Variants in RAD23B observed in about 807,000 individuals in gnomAD.
The protein encoded by RAD23B is lysine-specific demethylase RAD23B.
A neutral mutation model predicts 49.1 loss-of-function variants in RAD23B; 5 were observed. The ratio of observed to expected loss-of-function variants is 0.10; its 90% CI spans 0.05 to 0.21. The LOEUF is 0.21. RAD23B is among the 10% of genes least tolerant of loss of function. The pLI is 1.00. For missense variants in RAD23B, 356 were observed against 486.7 expected (o/e 0.73, Z 2.53); for synonymous variants, 184 against 165.4 (o/e 1.11, Z -0.86).
chr9:107,297,706 CTTTT>C (rs370317056), intron 1 of RAD23B, among the ~76,000 whole-genome samples: 2 of 132,078 alleles, frequency 1.5e-5, no homozygotes, highest in Non-Finnish European at 3.3e-5. Flanking sequence ...ACTAAAGGGC[CTTTT>C]TTTTTTTTTT....
chr9:107,314,305 T>C (rs1826947728), intron 5 of RAD23B, among the ~76,000 whole-genome samples: 1 of 152,188 alleles, frequency 6.6e-6, no homozygotes, highest in Non-Finnish European at 1.5e-5. Flanking sequence ...ACCTGAATAA[T>C]GAACATTGTA....
chr9:107,292,081 A>T (rs1293303997), intron 1 of RAD23B, among the ~76,000 whole-genome samples: 1 of 152,252 alleles, frequency 6.6e-6, no homozygotes, highest in East Asian at 1.9e-4. Flanking sequence ...ACATTTACAC[A>T]TAATACATGA....
chr9:107,294,257 A>G (rs1186853758), intron 1 of RAD23B, among the ~76,000 whole-genome samples: 1 of 152,166 alleles, frequency 6.6e-6, no homozygotes. Context: ...ATTTTTTAAG[A>G]GAGAATTAAG....
intron 5 of RAD23B, among the ~76,000 whole-genome samples, chr9:107,317,479 C>T (rs1477920435): frequency 6.6e-6 from 1 of 151,958 alleles, no homozygotes; most frequent in Non-Finnish European, 1.5e-5. Context: ...AAAGTGGACA[C>T]ATGTTCAATA....
rs1827296126 is a variant in RAD23B, at chr9:107,331,019, A to C, written c.*1363A>C. 1 of 152,516 alleles carries C rather than the reference A, an allele frequency of 6.6e-6. No homozygotes were observed. Among genetic ancestry groups the C allele is most frequent in the Non-Finnish European group, 1.5e-5 (1 of 68,038 alleles). The allele number at this position is 152,516 out of a possible 1,614,324, so 9.4% of individuals were successfully genotyped here. A position where few individuals can be genotyped will look rare whatever the true frequency, so the allele number is the denominator to read the frequency against. Reference sequence around the variant, plus strand: ...TCAGTTTTTCAAATCTGTTTTCCTGAGTATAAATAAGAGTATTTAAAGAAA... The same window carrying C: ...TCAGTTTTTCAAATCTGTTTTCCTGCGTATAAATAAGAGTATTTAAAGAAA... On this transcript the variant is annotated 3_prime_UTR_variant, in exon 10 of 10. Coordinates refer to ENST00000358015, the MANE Select transcript of RAD23B (RefSeq NM_002874.5).
In RAD23B at chr9:107,292,477, G is replaced by A. The variant is rs192847758; in HGVS notation, c.67-7664G>A. Among the ~76,000 whole-genome samples the A allele has an allele frequency of 1.1e-3, 163 of 152,116 alleles. 4 individuals carry two copies. Among genetic ancestry groups the A allele is most frequent in the Admixed American group, 8.6e-3 (131 of 15,282 alleles). On this transcript the variant is annotated intron_variant, in intron 1 of 9. Coordinates refer to ENST00000358015, the MANE Select transcript of RAD23B (RefSeq NM_002874.5). Reference sequence around the variant, plus strand: ...GGGCGGATCACGAGGTCAGGAGTTCGAGACCCTCCTGGCCAATGTGATGAA... The same window carrying A: ...GGGCGGATCACGAGGTCAGGAGTTCAAGACCCTCCTGGCCAATGTGATGAA...
chr9:107,295,243 G>A (rs576909651), intron 1 of RAD23B, among the ~76,000 whole-genome samples: 2 of 151,110 alleles, frequency 1.3e-5, no homozygotes, highest in African/African-American at 4.9e-5. Context: ...ATTAGATTGT[G>A]GGGGGAGAGA....
At chr9:107,284,456 G>T (rs1191753554) in intron 1 of RAD23B, among the ~76,000 whole-genome samples, 2 of 149,320 alleles carry the variant, frequency 1.3e-5, no homozygotes, top group East Asian at 3.9e-4. Context: ...CTCCCCCGAT[G>T]CCCCAAACAG....
At chr9:107,314,686 C>T (rs1826956625) in intron 5 of RAD23B, among the ~76,000 whole-genome samples, 1 of 152,136 alleles carries the variant, frequency 6.6e-6, no homozygotes, top group African/African-American at 2.4e-5. Context: ...GGTATATATA[C>T]ATAGTAGTGG....
chr9:107,326,665 G>A (rs1168839649), intron 9 of RAD23B, among the ~76,000 whole-genome samples: 2 of 101,692 alleles, frequency 2.0e-5, no homozygotes, highest in Non-Finnish European at 3.6e-5. Context: ...ACAGAGTCTC[G>A]CTCTGTTGCC....
intron 1 of RAD23B, among the ~76,000 whole-genome samples, chr9:107,285,751 A>T (rs1246409383): frequency 6.6e-6 from 1 of 150,554 alleles, no homozygotes; most frequent in South Asian, 2.1e-4. Flanking sequence ...CTGTTAGTAT[A>T]AAAAAACTAA....
At chr9:107,288,149 G>T (rs1255597602) in intron 1 of RAD23B, among the ~76,000 whole-genome samples, 1 of 152,140 alleles carries the variant, frequency 6.6e-6, no homozygotes, top group Non-Finnish European at 1.5e-5. Context: ...TTTTGATGCC[G>T]TGCACACAGT....
intron 1 of RAD23B, among the ~76,000 whole-genome samples, chr9:107,284,457 C>T (rs566637379): frequency 3.5e-4 from 53 of 149,840 alleles, no homozygotes; most frequent in African/African-American, 1.0e-3. Context: ...TCCCCCGATG[C>T]CCCAAACAGT....
chr9:107,311,567 T>C, intron 4 of RAD23B, 115 bp from the exon 5 acceptor site: 1 of 718,452 alleles, frequency 1.4e-6, no homozygotes, highest in South Asian at 2.1e-5. Context: ...GTAGTCAGAC[T>C]TTTATATTTA....
intron 5 of RAD23B, among the ~76,000 whole-genome samples, chr9:107,313,042 C>T (rs1281701179): frequency 2.0e-5 from 3 of 152,058 alleles, no homozygotes; most frequent in Admixed American, 6.6e-5. Flanking sequence ...TGATTCCCTG[C>T]TTTTTTATTT....
chr9:107,328,490 C>G (rs1319033532), intron 9 of RAD23B, among the ~76,000 whole-genome samples: 1 of 152,184 alleles, frequency 6.6e-6, no homozygotes, highest in Non-Finnish European at 1.5e-5. Context: ...ATACGGAGCA[C>G]AGACCCTAGA....
At position 107,331,700 on chromosome 9, in the gene RAD23B, A is replaced by C. The variant is rs1040471173; in HGVS notation, c.*2044A>C. The C allele has an allele frequency of 7.7e-6, 6 of 778,790 alleles. No homozygotes were observed. Among genetic ancestry groups the C allele is most frequent in the African/African-American group, 1.7e-5 (1 of 58,978 alleles). 48.2% of individuals were successfully genotyped at this position (778,790 alleles called of 1,614,324 possible). On this transcript the variant is annotated 3_prime_UTR_variant, in exon 10 of 10. Coordinates refer to ENST00000358015, the MANE Select transcript of RAD23B (RefSeq NM_002874.5). ...GTGAAAACTGGAAACAAAAAAAAAA[A>C]ACAGCCTCTTCTTGGAAAGTGACAG...
rs1465390576 is a variant in RAD23B, at chr9:107,283,651, C to G, written c.22C>G (p.Leu8Val). 1 of 1,486,680 alleles carries G rather than the reference C, an allele frequency of 6.7e-7. No individual in the cohort carries two copies. Among genetic ancestry groups the G allele is most frequent in the Non-Finnish European group, 9.0e-7 (1 of 1,116,560 alleles). 92.1% of individuals were successfully genotyped at this position (1,486,680 alleles called of 1,614,324 possible). ...CACCATGCAGGTCACCCTGAAGACC[C>G]TCCAGCAGCAGACCTTCAAGATAGA... is the stretch of plus-strand genomic sequence containing the variant. MQVTLKT[L>V]QQQTFKIDID... Residue 8 changes from leucine (L) to valine (V), a missense_variant, in exon 1 of 10, where the codon CTC (leucine) becomes GTC (valine). By Grantham distance (32) the Leu-to-Val change is conservative. Coordinates refer to ENST00000358015, the MANE Select transcript of RAD23B (RefSeq NM_002874.5).
At chr9:107,306,178 C>T (rs1346434000) in intron 3 of RAD23B, among the ~76,000 whole-genome samples, 1 of 150,126 alleles carries the variant, frequency 6.7e-6, no homozygotes, top group East Asian at 1.9e-4. Flanking sequence ...GATTAACATA[C>T]GCTGTCATGA....
Sources: allele counts gnomAD v4.1 joint callset (sites outside exome capture counted in the v4.1 genomes callset), GRCh38; gene constraint gnomAD v4.1.1; transcripts MANE v1.5; gene names NCBI Gene and HGNC (gene_info 2026-07-23, HGNC 2026-07-21).